The following SPINT2 variants were observed in gnomAD, a reference collection of about 807,000 sequenced individuals.
The protein encoded by SPINT2 is serine peptidase inhibitor, Kunitz type 2, also known as kunitz-type protease inhibitor 2.
SPINT2 carries 18 observed loss-of-function variants against 30.1 expected under a neutral mutation model. That is an observed-to-expected ratio of 0.60 (90% CI 0.41 to 0.89). The LOEUF (loss-of-function observed/expected upper bound fraction) is 0.89, where lower values mean the gene tolerates loss of function less well. SPINT2 is among the 40% of genes least tolerant of loss of function. The probability of loss-of-function intolerance (pLI) is 0.00; values close to 1 mark genes in which losing one functional copy is unlikely to be tolerated. For missense variants in SPINT2, 276 were observed against 334.3 expected, an observed-to-expected ratio of 0.83 and a Z score of 1.36; for synonymous variants, 139 against 137.9, an observed-to-expected ratio of 1.01 and a Z score of -0.05.
intron 2 of SPINT2, among the ~76,000 whole-genome samples, chr19:38,285,910 T>C (rs1968635306): frequency 6.6e-6 from 1 of 152,144 alleles, no homozygotes; most frequent in African/African-American, 2.4e-5. Flanking sequence ...TCCTGGCTGT[T>C]TGTTACCTCC....
In SPINT2 at chr19:38,290,847, T is replaced by A; in HGVS notation, c.592+272T>A. 1 of 558,062 alleles carries A rather than the reference T, an allele frequency of 1.8e-6. No individual in the cohort carries two copies. Among genetic ancestry groups the A allele is most frequent in the Non-Finnish European group, 3.3e-6 (1 of 307,076 alleles). 34.6% of individuals were successfully genotyped at this position (558,062 alleles called of 1,614,324 possible). A position where few individuals can be genotyped will look rare whatever the true frequency, so the allele number is the denominator to read the frequency against. On this transcript the variant is annotated intron_variant, in intron 6 of 6. Transcript: ENST00000301244. The surrounding 1 kb of genome is among the most constrained non-coding windows in gnomAD (Gnocchi z 4.3). Reference sequence around the variant, plus strand: ...GTCTTCCTGTTGAGCATTTGAGGACTGCTGCACACGGGCCTGAGGCTGGCC... The same window carrying A: ...GTCTTCCTGTTGAGCATTTGAGGACAGCTGCACACGGGCCTGAGGCTGGCC...
At chr19:38,289,931 G>A (rs866994089) in intron 4 of SPINT2, 188 bp from the exon 5 acceptor site, 12 of 671,024 alleles carry the variant, frequency 1.8e-5, no homozygotes, top group Non-Finnish European at 2.6e-5. Context: ...CTCCGAAGCC[G>A]TCACCTGGAC....
At position 38,290,958 on chromosome 19, in the gene SPINT2, C is replaced by A; in HGVS notation, c.592+383C>A. The A allele has an allele frequency of 2.7e-6, 1 of 366,020 alleles. No individual in the cohort carries two copies. Among genetic ancestry groups the A allele is most frequent in the Non-Finnish European group, 5.3e-6 (1 of 190,022 alleles). 22.7% of individuals were successfully genotyped at this position (366,020 alleles called of 1,614,324 possible). On this transcript the variant is annotated intron_variant, in intron 6 of 6. Transcript: ENST00000301244. The surrounding 1 kb of genome is among the most constrained non-coding windows in gnomAD (Gnocchi z 4.3). ...GAGGACCACGGGCCAGGGTGTTTCC[C>A]AACACAGTCTGGTCTGAGCGGGAGG...
At position 38,276,788 on chromosome 19, in the gene SPINT2, C is replaced by G. The variant is rs138497771; in HGVS notation, c.107-6839C>G. On this transcript the variant is annotated intron_variant, in intron 1 of 6. Transcript: ENST00000301244. ...GGTATGCAAAGGGTTTCTGCTCTAT[C>G]CATATGTTTTATTTATTAATTTATT... Among the ~76,000 whole-genome samples, 7 of 152,148 alleles carry G rather than the reference C, an allele frequency of 4.6e-5. No individual in the cohort carries two copies. The East Asian group carries it at 1.4e-3, about 29-fold the overall frequency.
At chr19:38,268,448 G>A (rs904925723) in intron 1 of SPINT2, among the ~76,000 whole-genome samples, 1 of 152,184 alleles carries the variant, frequency 6.6e-6, no homozygotes, top group East Asian at 1.9e-4. Flanking sequence ...TTTTTTAAAC[G>A]TAAAAATGTA....
chr19:38,273,916 C>T (rs1438536111), intron 1 of SPINT2, among the ~76,000 whole-genome samples: 29 of 152,108 alleles, frequency 1.9e-4, no homozygotes, highest in Admixed American at 1.9e-3. Flanking sequence ...CGTAAAGATA[C>T]AATATCTACT....
Position 38,290,733 on chromosome 19 carries a change from GT to G in SPINT2, c.592+159del. On this transcript the variant is annotated intron_variant, in intron 6 of 6. Coordinates refer to ENST00000301244, the MANE Select transcript of SPINT2 (RefSeq NM_021102.4). The surrounding 1 kb of genome is among the most constrained non-coding windows in gnomAD (Gnocchi z 4.3). Reference sequence around the variant, plus strand: ...CGTGAGAATGGCGAGGTGGTGGTTTGTCCCACCGTTCAGTGTACACAGTTGG... The same window carrying G: ...CGTGAGAATGGCGAGGTGGTGGTTTGCCCACCGTTCAGTGTACACAGTTGG... 1.9e-6 allele frequency: 2 copies of G among 1,060,868 alleles called. No individual in the cohort carries two copies. Among genetic ancestry groups the G allele is most frequent in the Non-Finnish European group, 2.8e-6 (2 of 717,418 alleles). 65.7% of individuals were successfully genotyped at this position (1,060,868 alleles called of 1,614,324 possible). A position where few individuals can be genotyped will look rare whatever the true frequency, so the allele number is the denominator to read the frequency against.
chr19:38,270,626 T>A (rs944584553), intron 1 of SPINT2, among the ~76,000 whole-genome samples: 12 of 152,318 alleles, frequency 7.9e-5, no homozygotes, highest in African/African-American at 2.6e-4. Context: ...TGCCTTCAGG[T>A]CACCGCGGGA....
intron 2 of SPINT2, among the ~76,000 whole-genome samples, chr19:38,287,526 C>T (rs1968656887): frequency 6.6e-6 from 1 of 151,906 alleles, no homozygotes; most frequent in Admixed American, 6.6e-5. Context: ...TAGGTTTTGC[C>T]ATGTTGGCCA....
chr19:38,274,696 G>A (rs1367312584), intron 1 of SPINT2, among the ~76,000 whole-genome samples: 1 of 151,998 alleles, frequency 6.6e-6, no homozygotes, highest in Non-Finnish European at 1.5e-5. Context: ...CACTCCTGGA[G>A]TCCTAGCTAC....
At chr19:38,271,422 G>A (rs1286542428) in intron 1 of SPINT2, among the ~76,000 whole-genome samples, 3 of 152,036 alleles carry the variant, frequency 2.0e-5, no homozygotes, top group Admixed American at 6.6e-5. Context: ...AACCCAGGAA[G>A]TGGAGCTTGC....
chr19:38,276,853 T>C (rs573407768), intron 1 of SPINT2, among the ~76,000 whole-genome samples: 1 of 152,154 alleles, frequency 6.6e-6, no homozygotes, highest in East Asian at 1.9e-4. Context: ...CAGGCTGGAG[T>C]GCAGTGGCGT....
chr19:38,290,007 A>C lies in SPINT2; in HGVS notation c.392-112A>C. 8.5e-7 allele frequency: 1 copy of C among 1,171,502 alleles called. No homozygotes were observed. Among genetic ancestry groups the C allele is most frequent in the Non-Finnish European group, 1.3e-6 (1 of 788,884 alleles). The allele number at this position is 1,171,502 out of a possible 1,614,324, so 72.6% of individuals were successfully genotyped here. ...TGTAATTTACAGGCTTCTTTACCAG[A>C]GAGATGTTTCTCCGTCTGCTGGAGC... On this transcript the variant is annotated intron_variant, in intron 4 of 6. Coordinates refer to ENST00000301244, the MANE Select transcript of SPINT2 (RefSeq NM_021102.4). The surrounding 1 kb of genome is among the most constrained non-coding windows in gnomAD (Gnocchi z 4.3).
chr19:38,291,834 C>T lies in SPINT2; in HGVS notation c.593-6C>T. On this transcript the variant is annotated splice_region_variant and splice_polypyrimidine_tract_variant and intron_variant, in intron 6 of 6. Transcript: ENST00000301244. ...GCCCGTCCTGAGGCCCCTCTCTCGT[C>T]CTCAGTGGTGGTTCTGGCGGGGCTG... 16 of 1,612,242 alleles carry T rather than the reference C, an allele frequency of 9.9e-6. No individual in the cohort carries two copies. Among genetic ancestry groups the T allele is most frequent in the Non-Finnish European group, 1.4e-5 (16 of 1,179,830 alleles).
At chr19:38,276,645 AAAAC>A (rs1040383931) in intron 1 of SPINT2, among the ~76,000 whole-genome samples, 60 of 152,160 alleles carry the variant, frequency 3.9e-4, no homozygotes, top group African/African-American at 1.2e-3. Context: ...CCATCTCAAA[AAAAC>A]AAACAAACAA....
At chr19:38,275,512 A>G (rs1184346347) in intron 1 of SPINT2, among the ~76,000 whole-genome samples, 1 of 151,798 alleles carries the variant, frequency 6.6e-6, no homozygotes, top group South Asian at 2.1e-4. Flanking sequence ...TTTAGTAGAG[A>G]TGGGGTTTCG....
intron 6 of SPINT2, chr19:38,291,450 C>T: frequency 5.3e-6 from 1 of 188,384 alleles, no homozygotes; most frequent in South Asian, 1.1e-4. Context: ...TGTGTGTGCA[C>T]AAAGCCCCTA....
chr19:38,268,636 C>CT (rs974475431), intron 1 of SPINT2, among the ~76,000 whole-genome samples: 4 of 152,196 alleles, frequency 2.6e-5, no homozygotes, highest in African/African-American at 9.6e-5. Flanking sequence ...TGCTTGCCCT[C>CT]TGTCTCTGTA....
intron 1 of SPINT2, among the ~76,000 whole-genome samples, chr19:38,268,923 A>C (rs553238643): frequency 2.0e-5 from 3 of 152,206 alleles, no homozygotes; most frequent in East Asian, 3.9e-4. Context: ...GTTGCTCAAC[A>C]CCAGGCCAGA....
Sources: allele counts gnomAD v4.1 joint callset (sites outside exome capture counted in the v4.1 genomes callset), GRCh38; gene constraint gnomAD v4.1.1; non-coding constraint Gnocchi (gnomAD v3.1); transcripts MANE v1.5; gene names NCBI Gene and HGNC (gene_info 2026-07-23, HGNC 2026-07-21).